The following CDH4 variants were observed in gnomAD, a reference collection of about 807,000 sequenced individuals.
The protein encoded by CDH4 is cadherin 4.
Under a neutral mutation model 86.0 loss-of-function variants are expected in CDH4, and 33 were observed. The ratio of observed to expected loss-of-function variants is 0.38; its 90% CI spans 0.29 to 0.51. The LOEUF (loss-of-function observed/expected upper bound fraction) is 0.51. Among genes scored for constraint, CDH4 ranks in the 20% least tolerant of loss-of-function variants. The pLI, the probability that CDH4 is intolerant of heterozygous loss-of-function variation, is 0.86. For synonymous variants in CDH4, 555 were observed against 549.4 expected (o/e 1.01, Z -0.14); for missense variants, 1,114 against 1,307.4 (o/e 0.85, Z 2.28).
intron 2 of CDH4, among the ~76,000 whole-genome samples, chr20:61,509,828 CAG>C (rs1467064397): frequency 6.6e-6 from 1 of 152,116 alleles, no homozygotes; most frequent in Non-Finnish European, 1.5e-5. Context: ...CTCAGGAAAA[CAG>C]TGGATTTCCA....
At chr20:61,761,714 A>G (rs986976755) in intron 3 of CDH4, among the ~76,000 whole-genome samples, 4 of 152,124 alleles carry the variant, frequency 2.6e-5, no homozygotes, top group African/African-American at 7.2e-5. Context: ...GTGAGCGCGG[A>G]TTTTGTTAGT....
intron 2 of CDH4, among the ~76,000 whole-genome samples, chr20:61,364,849 C>A (rs2084802701): frequency 6.6e-6 from 1 of 152,130 alleles, no homozygotes; most frequent in South Asian, 2.1e-4. Context: ...ACAGTGCGGC[C>A]CCCGACGAGC....
intron 2 of CDH4, among the ~76,000 whole-genome samples, chr20:61,458,160 T>G (rs2085419968): frequency 6.6e-6 from 1 of 151,442 alleles, no homozygotes; most frequent in African/African-American, 2.4e-5. Flanking sequence ...ATGATGTTGA[T>G]GACAGTGCTG....
chr20:61,309,458 C>T (rs6129095), intron 2 of CDH4, among the ~76,000 whole-genome samples: 4 of 151,928 alleles, frequency 2.6e-5, no homozygotes, highest in African/African-American at 7.3e-5. Context: ...CTGTCTTCCT[C>T]GAGTTTCCAG....
chr20:61,896,478 G>A (rs1039247398), intron 8 of CDH4, among the ~76,000 whole-genome samples: 5 of 152,162 alleles, frequency 3.3e-5, no homozygotes, highest in African/African-American at 9.7e-5. Context: ...AGATCACAGC[G>A]AAGGAAGCCA....
intron 6 of CDH4, among the ~76,000 whole-genome samples, chr20:61,864,184 G>A (rs1021264005): frequency 3.3e-5 from 5 of 152,324 alleles, no homozygotes; most frequent in East Asian, 1.9e-4. Context: ...AAGTTGGACG[G>A]TGCCCCAACC....
intron 2 of CDH4, among the ~76,000 whole-genome samples, chr20:61,317,400 C>T (rs1022394925): frequency 5.3e-5 from 8 of 152,166 alleles, no homozygotes; most frequent in African/African-American, 1.9e-4. Flanking sequence ...CTCCAGGTGC[C>T]TGCACTGTAA....
chr20:61,562,605 G>A (rs968897615), intron 2 of CDH4, among the ~76,000 whole-genome samples: 30 of 152,156 alleles, frequency 2.0e-4, no homozygotes, highest in Non-Finnish European at 2.6e-4. Context: ...GCTTCAGCCC[G>A]GCTGCCAGGC....
At chr20:61,801,469 G>A (rs1304899148) in intron 4 of CDH4, among the ~76,000 whole-genome samples, 1 of 152,178 alleles carries the variant, frequency 6.6e-6, no homozygotes, top group East Asian at 1.9e-4. Flanking sequence ...TCCTTCAGTG[G>A]TCACTCCCTG....
At chr20:61,522,252 G>A (rs754381869) in intron 2 of CDH4, among the ~76,000 whole-genome samples, 17 of 152,290 alleles carry the variant, frequency 1.1e-4, no homozygotes, top group South Asian at 2.1e-4. Context: ...CGGACCCAGT[G>A]GGCACGTGGA....
At chr20:61,748,136 T>G (rs6142676) in intron 3 of CDH4, among the ~76,000 whole-genome samples, 38,319 of 148,736 alleles carry the variant, frequency 0.26, 5,253 homozygotes, top group Admixed American at 0.33. Flanking sequence ...TTGAATGATT[T>G]CTTTTCTTTT....
At chr20:61,563,345 C>T (rs926475741) in intron 2 of CDH4, among the ~76,000 whole-genome samples, 2 of 152,240 alleles carry the variant, frequency 1.3e-5, no homozygotes, top group African/African-American at 4.8e-5. Context: ...AAGAAGGACC[C>T]TTGTAGGTGC....
At chr20:61,721,928 C>T (rs1305711060) in intron 2 of CDH4, among the ~76,000 whole-genome samples, 1 of 152,106 alleles carries the variant, frequency 6.6e-6, no homozygotes, top group Non-Finnish European at 1.5e-5. Flanking sequence ...TCTCCATTGG[C>T]CCTTTCAGAG....
At chr20:61,833,816 C>T (rs1182525939) in intron 4 of CDH4, among the ~76,000 whole-genome samples, 2 of 152,224 alleles carry the variant, frequency 1.3e-5, no homozygotes, top group African/African-American at 4.8e-5. Context: ...GGCAACAGCT[C>T]TGCAGGCTGG....
chr20:61,696,740 G>GC (rs2087718913), intron 2 of CDH4, among the ~76,000 whole-genome samples: 2 of 152,180 alleles, frequency 1.3e-5, no homozygotes, highest in Non-Finnish European at 2.9e-5. Flanking sequence ...CTGAATGGAG[G>GC]CCCCCAAAAC....
In CDH4 at chr20:61,447,068, T is replaced by G. The variant is rs549252158; in HGVS notation, c.169+192131T>G. Among the ~76,000 whole-genome samples, 6 of 152,330 alleles carry G rather than the reference T, an allele frequency of 3.9e-5. No homozygotes were observed. The South Asian group carries it at 1.2e-3, about 32-fold the overall frequency. On this transcript the variant is annotated intron_variant, in intron 2 of 15. Coordinates refer to ENST00000614565, the MANE Select transcript of CDH4 (RefSeq NM_001794.5). ...ATTTGGAGGAATTCTTTGTATACTG[T>G]TTATTTACTAACCTTTTTGCCTACC...
intron 2 of CDH4, among the ~76,000 whole-genome samples, chr20:61,429,136 TG>T (rs982323509): frequency 1.3e-5 from 2 of 151,832 alleles, no homozygotes; most frequent in South Asian, 2.1e-4. Context: ...TATATTTAAA[TG>T]CTCACTTTTC....
At chr20:61,928,086 T>G (rs993474051) in intron 11 of CDH4, 104 bp from the exon 12 acceptor site, 7 of 864,276 alleles carry the variant, frequency 8.1e-6, no homozygotes, top group African/African-American at 6.6e-5. Context: ...TGTGTCCCTG[T>G]GTATGTTGCA....
At chr20:61,562,590 G>A (rs56275804) in intron 2 of CDH4, among the ~76,000 whole-genome samples, 4,806 of 152,300 alleles carry the variant, frequency 0.032, 159 homozygotes, top group African/African-American at 0.08. Flanking sequence ...AGCACAGAAC[G>A]GCCTGCTTCA....
Sources: allele counts gnomAD v4.1 joint callset (sites outside exome capture counted in the v4.1 genomes callset), GRCh38; gene constraint gnomAD v4.1.1; transcripts MANE v1.5; gene names NCBI Gene and HGNC (gene_info 2026-07-23, HGNC 2026-07-21).